Variants in DRC8 observed in about 807,000 individuals in gnomAD.
DRC8 encodes the protein dynein regulatory complex subunit 8.
chr1:245,006,304 GTTTATTTA>G, the DRC8 span, among the ~76,000 whole-genome samples: 9 of 150,826 alleles, frequency 6.0e-5, no homozygotes, highest in Non-Finnish European at 1.2e-4. Flanking sequence ...AGTGATGAGT[GTTTATTTA>G]TTTATTTATT....
the DRC8 span, among the ~76,000 whole-genome samples, chr1:245,099,293 GC>G: frequency 6.6e-6 from 1 of 152,174 alleles, no homozygotes; most frequent in African/African-American, 2.4e-5. Flanking sequence ...TCAAGGGGGG[GC>G]TTTTTCAACA....
chr1:245,059,605 T>C, the DRC8 span: 1 of 595,274 alleles, frequency 1.7e-6, no homozygotes, highest in East Asian at 2.9e-5. Context: ...ACTATTCATA[T>C]TAGCCAACCA....
chr1:245,023,948 T>A, the DRC8 span, among the ~76,000 whole-genome samples: 1 of 152,176 alleles, frequency 6.6e-6, no homozygotes, highest in Non-Finnish European at 1.5e-5. Context: ...GGTGGGCAGA[T>A]CACCTGAGGT....
At chr1:245,010,420 G>A in the DRC8 span, among the ~76,000 whole-genome samples, 1 of 152,176 alleles carries the variant, frequency 6.6e-6, no homozygotes. Context: ...TGAAGGAGAA[G>A]ACCACATGAT....
the DRC8 span, among the ~76,000 whole-genome samples, chr1:245,071,514 G>T: frequency 1.2e-4 from 19 of 152,228 alleles, 1 homozygote; most frequent in Admixed American, 1.0e-3. Flanking sequence ...ATGCTTTATG[G>T]AAGGCAGAAC....
At chr1:245,031,908 A>G in the DRC8 span, among the ~76,000 whole-genome samples, 2 of 152,192 alleles carry the variant, frequency 1.3e-5, no homozygotes, top group Non-Finnish European at 2.9e-5. Flanking sequence ...GTGGATATCA[A>G]TACATTTGTA....
chr1:244,982,560 A>T, the DRC8 span, among the ~76,000 whole-genome samples: 1 of 152,122 alleles, frequency 6.6e-6, no homozygotes, highest in Non-Finnish European at 1.5e-5. Flanking sequence ...GCTACTTGTG[A>T]GGCTGAGGCA....
the DRC8 span, among the ~76,000 whole-genome samples, chr1:245,040,591 T>C: frequency 1.3e-5 from 2 of 152,180 alleles, no homozygotes; most frequent in Non-Finnish European, 2.9e-5. Flanking sequence ...AATGAGTGGA[T>C]ATATATGAAA....
At chr1:245,017,475 G>A in the DRC8 span, 2 of 787,234 alleles carry the variant, frequency 2.5e-6, no homozygotes, top group South Asian at 5.1e-5. Context: ...AAAGGTCTTT[G>A]CTAGCTATTG....
chr1:245,047,702 A>G, the DRC8 span, among the ~76,000 whole-genome samples: 3 of 151,028 alleles, frequency 2.0e-5, no homozygotes, highest in East Asian at 5.9e-4. Flanking sequence ...GCAGTGGCTC[A>G]TGCCTGCAAT....
chr1:245,091,056 C>T, the DRC8 span: 1 of 152,156 alleles, frequency 6.6e-6, no homozygotes, highest in Non-Finnish European at 1.5e-5. Flanking sequence ...AAGGTAAAAT[C>T]CAAATAGAGA....
the DRC8 span, among the ~76,000 whole-genome samples, chr1:245,003,032 G>A: frequency 2.6e-5 from 4 of 152,084 alleles, no homozygotes; most frequent in African/African-American, 9.7e-5. Context: ...CAGATAAGTG[G>A]AGTCATACAA....
At chr1:244,995,417 G>T in the DRC8 span, among the ~76,000 whole-genome samples, 1 of 151,990 alleles carries the variant, frequency 6.6e-6, no homozygotes, top group Non-Finnish European at 1.5e-5. Flanking sequence ...GATTGCAGTG[G>T]TGCGATCATA....
the DRC8 span, among the ~76,000 whole-genome samples, chr1:245,060,260 AACCCC>A: frequency 6.6e-6 from 1 of 152,226 alleles, no homozygotes; most frequent in Non-Finnish European, 1.5e-5. Context: ...TGAGTCACTT[AACCCC>A]TGTTGAGTGT....
chr1:244,975,132 G>T, the DRC8 span, among the ~76,000 whole-genome samples: 11 of 151,944 alleles, frequency 7.2e-5, no homozygotes, highest in Admixed American at 7.2e-4. Context: ...GGGTTTCACC[G>T]TATTAGCCAG....
the DRC8 span, among the ~76,000 whole-genome samples, chr1:245,084,531 A>G: frequency 6.6e-6 from 1 of 152,120 alleles, no homozygotes; most frequent in Non-Finnish European, 1.5e-5. Context: ...TAAAACCTGC[A>G]CACTTATATA....
chr1:245,078,461 A>G, the DRC8 span, among the ~76,000 whole-genome samples: 1 of 30,438 alleles, frequency 3.3e-5, no homozygotes, highest in Non-Finnish European at 7.8e-5. Flanking sequence ...TAGTATATGT[A>G]CACACACACA....
the DRC8 span, among the ~76,000 whole-genome samples, chr1:244,973,572 T>C: frequency 6.6e-6 from 1 of 152,236 alleles, no homozygotes; most frequent in Non-Finnish European, 1.5e-5. Flanking sequence ...TTAGGTCTCT[T>C]TTCCCCTCTG....
At chr1:245,082,950 C>G in the DRC8 span, among the ~76,000 whole-genome samples, 1 of 152,098 alleles carries the variant, frequency 6.6e-6, no homozygotes, top group African/African-American at 2.4e-5. Context: ...CTCAGATGAT[C>G]TGCCCACCTC....
Sources: allele counts gnomAD v4.1 joint callset (sites outside exome capture counted in the v4.1 genomes callset), GRCh38; gene constraint gnomAD v4.1.1; transcripts MANE v1.5; gene names NCBI Gene and HGNC (gene_info 2026-07-23, HGNC 2026-07-21).